The following PCDH9 variants were observed in gnomAD, a reference collection of about 807,000 sequenced individuals.
The protein encoded by PCDH9 is protocadherin 9.
In PCDH9, 24 loss-of-function variants were observed where a neutral mutation model predicts 70.6. The observed-to-expected ratio is 0.34, with a 90% CI of 0.25 to 0.48. The LOEUF is 0.48. Among genes scored for constraint, PCDH9 ranks in the 20% least tolerant of loss-of-function variants. The probability of loss-of-function intolerance (pLI) is 0.99; values close to 1 mark genes in which losing one functional copy is unlikely to be tolerated. For synonymous variants in PCDH9, 562 were observed against 558.5 expected (o/e 1.01, Z -0.09); for missense variants, 1,281 against 1,503.6 (o/e 0.85, Z 2.45).
At chr13:66,814,499 T>C (rs2080566088) in intron 3 of PCDH9, among the ~76,000 whole-genome samples, 1 of 152,150 alleles carries the variant, frequency 6.6e-6, no homozygotes, top group Non-Finnish European at 1.5e-5. Context: ...AATAAATACT[T>C]ATCAAATTAG....
At chr13:67,167,167 A>G (rs2088141229) in intron 2 of PCDH9, among the ~76,000 whole-genome samples, 2 of 152,156 alleles carry the variant, frequency 1.3e-5, no homozygotes, top group Admixed American at 1.3e-4. Flanking sequence ...AATGGTTAAG[A>G]GCATGATGAA....
At chr13:66,686,845 T>A (rs565844320) in intron 3 of PCDH9, among the ~76,000 whole-genome samples, 1 of 152,140 alleles carries the variant, frequency 6.6e-6, no homozygotes, top group African/African-American at 2.4e-5. Context: ...AATAAACATA[T>A]AGGGCTTAGA....
Position 66,471,782 on chromosome 13 carries a change from C to G in PCDH9, c.3340+159428G>C, listed in dbSNP as rs578070765. Among the ~76,000 whole-genome samples, 258 of 152,216 alleles carry G rather than the reference C, an allele frequency of 1.7e-3. 1 individual carries two copies. Among genetic ancestry groups the G allele is most frequent in the Non-Finnish European group, 2.2e-3 (151 of 67,998 alleles). On this transcript the variant is annotated intron_variant, in intron 4 of 4. Coordinates refer to ENST00000377865, the MANE Select transcript of PCDH9 (RefSeq NM_203487.3). ...TAGTCTAGCTCTAGAGTTTCCTAAC[C>G]ATTGCTCTGCTAGTATCAGAGAAGT...
intron 4 of PCDH9, among the ~76,000 whole-genome samples, chr13:66,380,620 T>C (rs993605713): frequency 2.8e-5 from 4 of 145,274 alleles, no homozygotes; most frequent in Non-Finnish European, 6.0e-5. Flanking sequence ...CTCGGCTCAC[T>C]GCAAGCTCCG....
At chr13:66,375,469 C>T (rs764500737) in intron 4 of PCDH9, among the ~76,000 whole-genome samples, 7 of 151,980 alleles carry the variant, frequency 4.6e-5, no homozygotes, top group Non-Finnish European at 8.8e-5. Flanking sequence ...CATTCTCAAT[C>T]ATTATAGGTA....
At chr13:66,802,562 C>T (rs2080344028) in intron 3 of PCDH9, among the ~76,000 whole-genome samples, 3 of 151,976 alleles carry the variant, frequency 2.0e-5, no homozygotes, top group Non-Finnish European at 2.9e-5. Flanking sequence ...CTATCCATTT[C>T]ATTGGTTATT....
At chr13:66,373,385 A>AT (rs1198948344) in intron 4 of PCDH9, among the ~76,000 whole-genome samples, 1 of 151,988 alleles carries the variant, frequency 6.6e-6, no homozygotes, top group Non-Finnish European at 1.5e-5. Flanking sequence ...TAGAGTTTCA[A>AT]TTTTGCAAGC....
At chr13:66,684,490 C>A (rs1441212828) in intron 3 of PCDH9, among the ~76,000 whole-genome samples, 3 of 152,132 alleles carry the variant, frequency 2.0e-5, no homozygotes, top group African/African-American at 7.2e-5. Flanking sequence ...GCAGTTACCT[C>A]CATACTGTCC....
chr13:67,010,803 C>T (rs769109814), intron 2 of PCDH9, among the ~76,000 whole-genome samples: 1 of 151,930 alleles, frequency 6.6e-6, no homozygotes. Flanking sequence ...TCAGATTAGC[C>T]ACCATCGATG....
intron 4 of PCDH9, among the ~76,000 whole-genome samples, chr13:66,464,573 A>G (rs1958484093): frequency 6.6e-6 from 1 of 151,930 alleles, no homozygotes; most frequent in African/African-American, 2.4e-5. Flanking sequence ...AAGCAGCCCA[A>G]CTCTATGATG....
intron 3 of PCDH9, among the ~76,000 whole-genome samples, chr13:66,873,918 C>CTT (rs796944538): frequency 1.5e-5 from 2 of 130,140 alleles, no homozygotes; most frequent in Non-Finnish European, 3.3e-5. Context: ...CTTTTCGTTT[C>CTT]TTTTTTTTTT....
intron 2 of PCDH9, among the ~76,000 whole-genome samples, chr13:67,034,374 T>C (rs1173129692): frequency 6.6e-6 from 1 of 152,218 alleles, no homozygotes; most frequent in East Asian, 1.9e-4. Context: ...CAATAGCATA[T>C]ATATGTAATG....
chr13:66,593,042 A>G (rs1446539960), intron 4 of PCDH9, among the ~76,000 whole-genome samples: 4 of 151,748 alleles, frequency 2.6e-5, no homozygotes, highest in African/African-American at 9.7e-5. Flanking sequence ...GAAAGATACA[A>G]TCTGAAGAAT....
intron 2 of PCDH9, among the ~76,000 whole-genome samples, chr13:66,961,760 A>T (rs2083349951): frequency 6.6e-6 from 1 of 152,198 alleles, no homozygotes; most frequent in South Asian, 2.1e-4. Context: ...CTTTGATTAT[A>T]AATCATAGAT....
intron 3 of PCDH9, among the ~76,000 whole-genome samples, chr13:66,811,825 T>C (rs1377687618): frequency 6.6e-6 from 1 of 151,898 alleles, no homozygotes; most frequent in Non-Finnish European, 1.5e-5. Flanking sequence ...TTTCTTCCTT[T>C]CTTTCTTTTC....
intron 2 of PCDH9, among the ~76,000 whole-genome samples, chr13:66,957,037 A>C (rs2083275170): frequency 6.6e-6 from 1 of 152,178 alleles, no homozygotes; most frequent in Non-Finnish European, 1.5e-5. Context: ...TTATCACTGA[A>C]TTATAGCACC....
chr13:67,059,875 G>GT (rs2085502429), intron 2 of PCDH9, among the ~76,000 whole-genome samples: 1 of 40,098 alleles, frequency 2.5e-5, no homozygotes, highest in Non-Finnish European at 4.4e-5. Flanking sequence ...TTTGTTTTTT[G>GT]TTTTTTGTTG....
At chr13:67,019,995 A>C (rs2084643563) in intron 2 of PCDH9, among the ~76,000 whole-genome samples, 1 of 152,204 alleles carries the variant, frequency 6.6e-6, no homozygotes, top group African/African-American at 2.4e-5. Context: ...TAGCTATAAA[A>C]TTATTTTATG....
intron 2 of PCDH9, among the ~76,000 whole-genome samples, chr13:66,967,710 T>C (rs890498430): frequency 9.9e-5 from 15 of 152,076 alleles, no homozygotes; most frequent in Non-Finnish European, 5.9e-5. Flanking sequence ...ACTAAGTATT[T>C]TGACATCCAA....
Sources: gnomAD v4.1 joint callset for allele counts (sites outside exome capture counted in the v4.1 genomes callset) on GRCh38, gnomAD v4.1.1 for gene constraint, MANE v1.5 for transcripts, NCBI Gene and HGNC (gene_info 2026-07-23, HGNC 2026-07-21) for gene names.